Variants in FYB2 observed in about 807,000 individuals in gnomAD.
FYB2 encodes the protein FYN-binding protein 2.
FYB2 carries 103 observed loss-of-function variants against 94.1 expected under a neutral mutation model. The observed-to-expected ratio is 1.09, with a 90% confidence interval of 0.93 to 1.29. The LOEUF (loss-of-function observed/expected upper bound fraction) is 1.29. Ranked by LOEUF, FYB2 falls within the 50% of genes most tolerant of loss-of-function variation. The pLI is 0.00. For synonymous variants in FYB2, 293 were observed against 287.9 expected (o/e 1.02, Z -0.18); for missense variants, 896 against 841.5 (o/e 1.06, Z -0.80).
chr1:56,734,416 A>G (rs1644783168), intron 15 of FYB2, among the ~76,000 whole-genome samples: 1 of 152,126 alleles, frequency 6.6e-6, no homozygotes, highest in African/African-American at 2.4e-5. Flanking sequence ...ACCAACCCAA[A>G]TGTCCATCAA....
rs987310598 is a variant in FYB2, at chr1:56,819,362, G to A, written c.-72C>T. ...AGCTGGGTCCTGGGGCCAACAATCCGCTTTCCTCTGTCTCTGCTAGCCAGG... is the reference window on the plus strand; with the variant it reads ...AGCTGGGTCCTGGGGCCAACAATCCACTTTCCTCTGTCTCTGCTAGCCAGG... On this transcript the variant is annotated 5_prime_UTR_variant, in exon 1 of 20. Transcript: ENST00000343433. 4.1e-5 allele frequency: 65 copies of A among 1,592,572 alleles called. No homozygotes were observed. The African/African-American group carries it at 7.3e-4, about 18-fold the overall frequency.
At chr1:56,745,136 T>C (rs548837105) in intron 9 of FYB2, among the ~76,000 whole-genome samples, 6 of 152,122 alleles carry the variant, frequency 3.9e-5, no homozygotes, top group Admixed American at 6.6e-5. Context: ...ATTTCTCCAA[T>C]ACAAAATAAA....
chr1:56,801,700 G>T (rs1188769798), intron 1 of FYB2, among the ~76,000 whole-genome samples: 1 of 152,200 alleles, frequency 6.6e-6, no homozygotes, highest in South Asian at 2.1e-4. Context: ...CAATGCATTA[G>T]CCTCATGGGC....
At chr1:56,816,859 T>C (rs1476741060) in intron 1 of FYB2, among the ~76,000 whole-genome samples, 2 of 139,350 alleles carry the variant, frequency 1.4e-5, no homozygotes. Context: ...TCATCAACAA[T>C]TTTCTTTTTT....
At chr1:56,791,897 A>T (rs1268482976) in intron 2 of FYB2, among the ~76,000 whole-genome samples, 159 bp downstream of exon 2, 3 of 152,174 alleles carry the variant, frequency 2.0e-5, no homozygotes, top group Non-Finnish European at 4.4e-5. Context: ...CTCAAACCCG[A>T]GGTTACAATT....
chr1:56,727,909 G>A (rs1328975821), intron 15 of FYB2, among the ~76,000 whole-genome samples: 1 of 152,118 alleles, frequency 6.6e-6, no homozygotes, highest in Non-Finnish European at 1.5e-5. Flanking sequence ...GCTACTTGGA[G>A]GCTGAAGTGA....
At chr1:56,758,528 C>A (rs1425709267) in intron 6 of FYB2, among the ~76,000 whole-genome samples, 188 bp downstream of exon 6, 1 of 152,128 alleles carries the variant, frequency 6.6e-6, no homozygotes, top group Non-Finnish European at 1.5e-5. Context: ...TCCTATCACA[C>A]ATTTTTGTCT....
chr1:56,794,985 C>T (rs1318850706), intron 1 of FYB2, among the ~76,000 whole-genome samples: 1 of 151,700 alleles, frequency 6.6e-6, no homozygotes, highest in Non-Finnish European at 1.5e-5. Context: ...TGGTAAAATA[C>T]ACATAAAACA....
At chr1:56,783,455 A>T (rs1193472050) in intron 4 of FYB2, among the ~76,000 whole-genome samples, 1 of 152,176 alleles carries the variant, frequency 6.6e-6, no homozygotes, top group East Asian at 1.9e-4. Flanking sequence ...TATATATAGA[A>T]ATACAGCTAG....
chr1:56,725,333 T>A (rs1644563046), intron 16 of FYB2, among the ~76,000 whole-genome samples: 1 of 152,032 alleles, frequency 6.6e-6, no homozygotes, highest in African/African-American at 2.4e-5. Context: ...TAGAATACAT[T>A]ATGGTAGAAA....
At chr1:56,817,256 C>T (rs1253564157) in intron 1 of FYB2, among the ~76,000 whole-genome samples, 2 of 152,212 alleles carry the variant, frequency 1.3e-5, no homozygotes, top group African/African-American at 4.8e-5. Flanking sequence ...CTTGAAACAC[C>T]CACGACCTTC....
At chr1:56,791,920 C>A in intron 2 of FYB2, 136 bp downstream of exon 2, 1 of 1,270,360 alleles carries the variant, frequency 7.9e-7, no homozygotes, top group Non-Finnish European at 1.0e-6. Context: ...GCAGATGGGC[C>A]TAGAATATCA....
chr1:56,815,966 C>A (rs1646873323), intron 1 of FYB2, among the ~76,000 whole-genome samples: 1 of 152,126 alleles, frequency 6.6e-6, no homozygotes, highest in African/African-American at 2.4e-5. Flanking sequence ...ACCCATCAAC[C>A]TTTTTGGGTG....
chr1:56,753,968 A>G, intron 7 of FYB2, 33 bp from the exon 8 acceptor site: 1 of 1,180,684 alleles, frequency 8.5e-7, no homozygotes, highest in Non-Finnish European at 1.3e-6. Flanking sequence ...GAAAAAAATG[A>G]AGCTTAGAGT....
At chr1:56,744,666 C>T (rs984760842) in intron 9 of FYB2, among the ~76,000 whole-genome samples, 12 of 151,940 alleles carry the variant, frequency 7.9e-5, no homozygotes, top group Admixed American at 2.0e-4. Flanking sequence ...TCCAGTCTTA[C>T]GGCAGTTCTT....
At chr1:56,737,183 A>G in intron 14 of FYB2, 36 bp from the exon 15 acceptor site, 1 of 1,502,576 alleles carries the variant, frequency 6.7e-7, no homozygotes, top group Non-Finnish European at 9.2e-7. Flanking sequence ...GTCCATTATT[A>G]AGCATGGTTT....
intron 4 of FYB2, among the ~76,000 whole-genome samples, chr1:56,770,892 T>C (rs1645738085): frequency 6.6e-6 from 1 of 152,144 alleles, no homozygotes; most frequent in Admixed American, 6.5e-5. Context: ...AACCTCATAG[T>C]GAACAGGGAA....
chr1:56,789,799 G>T (rs1271578843), intron 2 of FYB2, among the ~76,000 whole-genome samples: 2 of 152,188 alleles, frequency 1.3e-5, no homozygotes, highest in Non-Finnish European at 2.9e-5. Flanking sequence ...ACCAAGCACA[G>T]GGCCTACCTC....
intron 2 of FYB2, among the ~76,000 whole-genome samples, chr1:56,791,485 A>T (rs1484610735): frequency 6.6e-6 from 1 of 152,042 alleles, no homozygotes; most frequent in Non-Finnish European, 1.5e-5. Flanking sequence ...TGAACTCCTG[A>T]ACTCTGCCCA....
Sources: gnomAD v4.1 joint callset for allele counts (sites outside exome capture counted in the v4.1 genomes callset) on GRCh38, gnomAD v4.1.1 for gene constraint, MANE v1.5 for transcripts, NCBI Gene and HGNC (gene_info 2026-07-23, HGNC 2026-07-21) for gene names.